The following FGF14 variants were observed in gnomAD, a reference collection of about 807,000 sequenced individuals.
FGF14 encodes the protein fibroblast growth factor 14.
FGF14 carries 5 observed loss-of-function variants against 25.5 expected under a neutral mutation model. That is an observed-to-expected ratio of 0.20 (90% confidence interval 0.10 to 0.41). FGF14 has a LOEUF of 0.41. Ranked by LOEUF, FGF14 falls within the 10% of genes least tolerant of loss-of-function variation. FGF14 has a pLI of 1.00. For synonymous variants in FGF14, 138 were observed against 118.3 expected, an observed-to-expected ratio of 1.17 and a Z score of -1.08; for missense variants, 222 against 320.1, an observed-to-expected ratio of 0.69 and a Z score of 2.34.
rs142480530 is a variant in FGF14 at position 101,721,204 on chromosome 13, T to TAAC, written c.*1624_*1626dup. 6.6e-6 allele frequency: 1 copy of TAAC among 152,108 alleles called. No homozygotes were observed. The allele number at this position is 152,108 out of a possible 1,614,324, so 9.4% of individuals were successfully genotyped here. On this transcript the variant is annotated 3_prime_UTR_variant, in exon 5 of 5. Coordinates refer to ENST00000376143, the MANE Select transcript of FGF14 (RefSeq NM_004115.4). ...GAATTTTATTAGGTGTACACAGAGT[T>TAAC]AACAAATAAATTCCCAAACAGTTTA...
rs910084810 is a variant in FGF14, at chr13:102,000,160, C to CA, written c.209-124865dup. Among the ~76,000 whole-genome samples, 6 of 150,946 alleles carry CA rather than the reference C, an allele frequency of 4.0e-5. No individual in the cohort carries two copies. In the East Asian group the frequency reaches 5.9e-4, roughly 15 times the overall value. ...AAAACCCCGTCTCTACTAAAAAATA[C>CA]AAAAAAAAATTAGCCGGGCCTGGTG... On this transcript the variant is annotated intron_variant, in intron 1 of 4. Coordinates refer to the FGF14 transcript ENST00000376131.
At chr13:101,910,216 A>G (rs905729096) in intron 1 of FGF14, among the ~76,000 whole-genome samples, 2 of 152,188 alleles carry the variant, frequency 1.3e-5, no homozygotes, top group African/African-American at 4.8e-5. Context: ...CGCTTTGTGC[A>G]CATGTACCCT....
intron 1 of FGF14, among the ~76,000 whole-genome samples, chr13:102,390,694 G>A (rs1245038079): frequency 6.6e-6 from 1 of 152,142 alleles, no homozygotes; most frequent in Non-Finnish European, 1.5e-5. Flanking sequence ...AGATAGTATA[G>A]GTAGAGTGCC....
chr13:101,970,785 T>G (rs1487576414), intron 1 of FGF14, among the ~76,000 whole-genome samples: 1 of 152,214 alleles, frequency 6.6e-6, no homozygotes, highest in Non-Finnish European at 1.5e-5. Flanking sequence ...TTCTTCTGTT[T>G]TGTCTATTCT....
chr13:101,921,199 A>T (rs1386758492), upstream of FGF14, among the ~76,000 whole-genome samples: 1 of 152,172 alleles, frequency 6.6e-6, no homozygotes, highest in Non-Finnish European at 1.5e-5. Context: ...CTCAGCATAG[A>T]TATCTTCTCT....
At chr13:102,210,346 T>C (rs929480618) in intron 1 of FGF14, among the ~76,000 whole-genome samples, 5 of 152,116 alleles carry the variant, frequency 3.3e-5, no homozygotes, top group African/African-American at 1.2e-4. Context: ...TTTAAATGAA[T>C]AGCAGTAGTG....
At chr13:101,937,558 T>C (rs2035185371) in intron 1 of FGF14, among the ~76,000 whole-genome samples, 1 of 152,146 alleles carries the variant, frequency 6.6e-6, no homozygotes, top group East Asian at 1.9e-4. Flanking sequence ...ACTGCTAGCA[T>C]CCAGATCTAT....
chr13:102,229,917 C>T (rs78031229), intron 1 of FGF14, among the ~76,000 whole-genome samples: 10 of 152,268 alleles, frequency 6.6e-5, no homozygotes, highest in African/African-American at 2.4e-4. Context: ...GAACAGCCTT[C>T]TGTTATTCAA....
chr13:102,179,652 A>G (rs1193470923), intron 1 of FGF14, among the ~76,000 whole-genome samples: 1 of 152,184 alleles, frequency 6.6e-6, no homozygotes, highest in Non-Finnish European at 1.5e-5. Context: ...TGGTTAAGTG[A>G]TCTGTTGTGA....
rs370145543 is a variant in FGF14, at chr13:101,999,012, A to G, written c.209-123716T>C. Among the ~76,000 whole-genome samples, 118 of 152,330 alleles carry G rather than the reference A, an allele frequency of 7.7e-4. No individual in the cohort carries two copies. The South Asian group carries it at 0.013, about 17-fold the overall frequency. Reference sequence around the variant, plus strand: ...AGAGGTTCACCTATTTATTAACCCTATAAATGATTTCAAACTATGCTTCTC... The same window carrying G: ...AGAGGTTCACCTATTTATTAACCCTGTAAATGATTTCAAACTATGCTTCTC... On this transcript the variant is annotated intron_variant, in intron 1 of 4. Transcript: ENST00000376131.
chr13:102,021,970 C>T (rs2040675263), intron 1 of FGF14, among the ~76,000 whole-genome samples: 1 of 152,020 alleles, frequency 6.6e-6, no homozygotes, highest in Non-Finnish European at 1.5e-5. Flanking sequence ...ATTACCATTC[C>T]AGTTCTCAAG....
chr13:101,887,068 A>G (rs1022992421), intron 1 of FGF14, among the ~76,000 whole-genome samples: 5 of 152,134 alleles, frequency 3.3e-5, no homozygotes, highest in East Asian at 3.9e-4. Flanking sequence ...ATGCAGAGAA[A>G]GGGGAACCCT....
chr13:102,047,748 G>A (rs927492327), intron 1 of FGF14, among the ~76,000 whole-genome samples: 1 of 152,028 alleles, frequency 6.6e-6, no homozygotes, highest in African/African-American at 2.4e-5. Flanking sequence ...GTTAATGGGT[G>A]CAGCACACCA....
chr13:102,073,242 G>T (rs1362695879), intron 1 of FGF14, among the ~76,000 whole-genome samples: 1 of 152,022 alleles, frequency 6.6e-6, no homozygotes, highest in Non-Finnish European at 1.5e-5. Flanking sequence ...ACAGAGCAAA[G>T]CTCCATCTCA....
intron 1 of FGF14, among the ~76,000 whole-genome samples, chr13:101,911,812 G>A (rs573378596): frequency 6.6e-6 from 1 of 152,206 alleles, no homozygotes; most frequent in East Asian, 1.9e-4. Flanking sequence ...GTATTAATAT[G>A]TAGTAAGACT....
At chr13:101,939,442 T>G (rs1056332059) in intron 1 of FGF14, among the ~76,000 whole-genome samples, 3 of 152,170 alleles carry the variant, frequency 2.0e-5, no homozygotes, top group African/African-American at 4.8e-5. Context: ...CTTTCCATGG[T>G]CCCAAGAGTT....
At chr13:102,089,903 A>C (rs1468709511) in intron 1 of FGF14, among the ~76,000 whole-genome samples, 1 of 152,128 alleles carries the variant, frequency 6.6e-6, no homozygotes, top group Non-Finnish European at 1.5e-5. Flanking sequence ...TTTGTGTCCA[A>C]GGTTTATACT....
chr13:102,175,989 C>T (rs2048432558), intron 1 of FGF14, among the ~76,000 whole-genome samples: 1 of 151,892 alleles, frequency 6.6e-6, no homozygotes, highest in African/African-American at 2.4e-5. Context: ...TTAGTACAAC[C>T]CCCACGGAAA....
At chr13:102,110,552 T>G (rs1266832236) in intron 1 of FGF14, among the ~76,000 whole-genome samples, 2 of 152,134 alleles carry the variant, frequency 1.3e-5, no homozygotes, top group African/African-American at 2.4e-5. Flanking sequence ...GATCACAGCA[T>G]TGAAGAGTTC....
Sources: allele counts gnomAD v4.1 joint callset (sites outside exome capture counted in the v4.1 genomes callset), GRCh38; gene constraint gnomAD v4.1.1; transcripts MANE v1.5; gene names NCBI Gene and HGNC (gene_info 2026-07-23, HGNC 2026-07-21).